The following GRM7 variants were observed in gnomAD, a reference collection of about 807,000 sequenced individuals.
The protein encoded by GRM7 is metabotropic glutamate receptor 7.
In GRM7, 35 loss-of-function variants were observed where a neutral mutation model predicts 84.5. The ratio of observed to expected loss-of-function variants is 0.41; its 90% confidence interval spans 0.32 to 0.55. The LOEUF (loss-of-function observed/expected upper bound fraction) is 0.55, where lower values mean the gene tolerates loss of function less well. Ranked by LOEUF, GRM7 falls within the 20% of genes least tolerant of loss-of-function variation. The pLI is 0.19. For missense variants in GRM7, 1,003 were observed against 1,194.6 expected (o/e 0.84, Z 2.36); for synonymous variants, 487 against 455.1 (o/e 1.07, Z -0.89).
At chr3:6,892,915 C>T (rs1696023441) in intron 1 of GRM7, 1 of 152,100 alleles carries the variant, frequency 6.6e-6, no homozygotes, top group Admixed American at 6.6e-5. Flanking sequence ...AAATTAGCTA[C>T]AGGTGTGCAT....
At chr3:7,636,198 G>A (rs570923249) in intron 8 of GRM7, 1 of 456,484 alleles carries the variant, frequency 2.2e-6, no homozygotes, top group Admixed American at 2.4e-5. Context: ...CATTCTTCAA[G>A]ATTTAACTTG....
At chr3:7,637,599 T>G (rs957625855) in intron 8 of GRM7, among the ~76,000 whole-genome samples, 13 of 152,196 alleles carry the variant, frequency 8.5e-5, no homozygotes, top group African/African-American at 3.1e-4. Context: ...CTATCGCCTG[T>G]TAGGTAAAGA....
chr3:7,457,982 T>C (rs1698088567), intron 6 of GRM7, among the ~76,000 whole-genome samples: 1 of 152,168 alleles, frequency 6.6e-6, no homozygotes, highest in Admixed American at 6.5e-5. Context: ...GTACTAATAT[T>C]CAGAGTGGTT....
intron 1 of GRM7, among the ~76,000 whole-genome samples, chr3:7,061,936 T>C (rs1697446213): frequency 6.6e-6 from 1 of 151,658 alleles, no homozygotes; most frequent in Non-Finnish European, 1.5e-5. Context: ...ACTTCTTATC[T>C]AATCAACATG....
At chr3:7,408,667 C>G (rs1695785296) in intron 4 of GRM7, among the ~76,000 whole-genome samples, 1 of 152,176 alleles carries the variant, frequency 6.6e-6, no homozygotes, top group South Asian at 2.1e-4. Flanking sequence ...GAGAGGCAGA[C>G]AAGAAACTGA....
intron 8 of GRM7, among the ~76,000 whole-genome samples, chr3:7,603,152 C>T (rs938228483): frequency 1.1e-4 from 17 of 152,216 alleles, no homozygotes; most frequent in African/African-American, 3.6e-4. Context: ...ACATGCCCTT[C>T]GATCAAACTT....
chr3:6,896,682 A>G (rs999104801), intron 1 of GRM7, among the ~76,000 whole-genome samples: 1 of 152,176 alleles, frequency 6.6e-6, no homozygotes, highest in African/African-American at 2.4e-5. Flanking sequence ...TGTCTGGTGA[A>G]CACTGGATAC....
At chr3:7,079,702 A>G (rs770423107) in intron 1 of GRM7, among the ~76,000 whole-genome samples, 2 of 152,098 alleles carry the variant, frequency 1.3e-5, no homozygotes, top group African/African-American at 2.4e-5. Context: ...TGATGGTGGG[A>G]TATTTAGCAG....
chr3:7,556,778 G>A (rs905502141), intron 7 of GRM7, among the ~76,000 whole-genome samples: 2 of 152,164 alleles, frequency 1.3e-5, no homozygotes, highest in South Asian at 2.1e-4. Flanking sequence ...CTAAATCAGA[G>A]ATTAGGAATG....
At chr3:7,671,631 T>C (rs1699922957) in intron 8 of GRM7, among the ~76,000 whole-genome samples, 1 of 150,856 alleles carries the variant, frequency 6.6e-6, no homozygotes, top group Admixed American at 6.6e-5. Context: ...TATAATTCTA[T>C]GACCAGATGC....
chr3:7,051,761 T>G (rs1386329697), intron 1 of GRM7, among the ~76,000 whole-genome samples: 1 of 151,788 alleles, frequency 6.6e-6, no homozygotes, highest in African/African-American at 2.4e-5. Flanking sequence ...TCTTGTATTC[T>G]GCAGTAGTTC....
At chr3:7,477,443 A>G (rs1193622695) in intron 7 of GRM7, among the ~76,000 whole-genome samples, 2 of 152,170 alleles carry the variant, frequency 1.3e-5, no homozygotes, top group Admixed American at 6.5e-5. Flanking sequence ...CCCTGACGCA[A>G]ACTGGCTTCC....
chr3:7,395,816 C>T (rs1252956814), intron 4 of GRM7, among the ~76,000 whole-genome samples: 1 of 152,126 alleles, frequency 6.6e-6, no homozygotes, highest in Non-Finnish European at 1.5e-5. Context: ...TCTTTATCAG[C>T]AGCGTGAGAA....
At chr3:6,883,544 G>A (rs1251282799) in intron 1 of GRM7, among the ~76,000 whole-genome samples, 1 of 152,072 alleles carries the variant, frequency 6.6e-6, no homozygotes, top group Non-Finnish European at 1.5e-5. Context: ...CTATGAAACT[G>A]TAAAGCCAGA....
intron 2 of GRM7, among the ~76,000 whole-genome samples, chr3:7,219,499 C>G (rs537263952): frequency 6.6e-6 from 1 of 152,296 alleles, no homozygotes; most frequent in South Asian, 2.1e-4. Context: ...GTTTAAAAGA[C>G]ATTGCCTTCA....
At chr3:7,378,137 G>A (rs114919341) in intron 4 of GRM7, among the ~76,000 whole-genome samples, 1,572 of 152,200 alleles carry the variant, frequency 0.01, 20 homozygotes, top group African/African-American at 0.032. Context: ...TTGGTGACTC[G>A]GTGTGGGATG....
intron 2 of GRM7, among the ~76,000 whole-genome samples, chr3:7,163,369 T>A (rs907851016): frequency 3.9e-5 from 6 of 152,234 alleles, no homozygotes; most frequent in Non-Finnish European, 7.3e-5. Flanking sequence ...AGGGAAAGAA[T>A]CTTGCTCAGT....
intron 4 of GRM7, among the ~76,000 whole-genome samples, chr3:7,399,676 T>C (rs2125155498): frequency 6.6e-6 from 1 of 152,266 alleles, no homozygotes; most frequent in South Asian, 2.1e-4. Context: ...ATCCTTACTG[T>C]AATGAATGAA....
At chr3:6,914,089 A>G (rs1486593508) in intron 1 of GRM7, among the ~76,000 whole-genome samples, 1 of 152,062 alleles carries the variant, frequency 6.6e-6, no homozygotes, top group Non-Finnish European at 1.5e-5. Flanking sequence ...AAGTATCCCC[A>G]TTTCTCTGCC....
Sources: allele counts gnomAD v4.1 joint callset (sites outside exome capture counted in the v4.1 genomes callset), GRCh38; gene constraint gnomAD v4.1.1; transcripts MANE v1.5; gene names NCBI Gene and HGNC (gene_info 2026-07-23, HGNC 2026-07-21).